LRRK1: variants seen among roughly 807,000 people sequenced by gnomAD.
LRRK1 encodes leucine rich repeat kinase 1, also known as leucine-rich repeat serine/threonine-protein kinase 1.
A neutral mutation model predicts 209.1 loss-of-function variants in LRRK1; 113 were observed. The ratio of observed to expected loss-of-function variants is 0.54; its 90% confidence interval spans 0.46 to 0.63. The LOEUF is 0.63. Ranked by LOEUF, LRRK1 falls within the 30% of genes least tolerant of loss-of-function variation. The pLI, the probability that LRRK1 is intolerant of heterozygous loss-of-function variation, is 0.00. For missense variants in LRRK1, 2,284 were observed against 2,632.2 expected (o/e 0.87, Z 2.89); for synonymous variants, 1,144 against 1,099.7 (o/e 1.04, Z -0.80).
At chr15:101,020,045 A>T (rs185075725) in intron 12 of LRRK1, among the ~76,000 whole-genome samples, 353 of 152,376 alleles carry the variant, frequency 2.3e-3, no homozygotes, top group African/African-American at 8.2e-3. Context: ...AAAACAGCCA[A>T]CTGTGGTATA....
In LRRK1 at chr15:100,919,700, G is replaced by T. The variant is rs914926129; in HGVS notation, c.-123+249G>T. Among the ~76,000 whole-genome samples, 2 of 152,010 alleles carry T rather than the reference G, an allele frequency of 1.3e-5. No homozygotes were observed. Among genetic ancestry groups the T allele is most frequent in the Non-Finnish European group, 2.9e-5 (2 of 67,948 alleles). On this transcript the variant is annotated intron_variant, in intron 1 of 33. Transcript: ENST00000388948. The surrounding 1 kb of genome is among the most constrained non-coding windows in gnomAD (Gnocchi z 5.8). ...CCCGCTGCCTCCCGCCGCGCCCGGA[G>T]CCCAGCCAGCCTGTGGGAGGGGAGC... is the stretch of plus-strand genomic sequence containing the variant.
chr15:101,074,768 G>C lies in LRRK1; in HGVS notation c.*5920G>C, dbSNP rs1216967802. The C allele has an allele frequency of 6.6e-6, 1 of 151,464 alleles. No individual in the cohort carries two copies. Among genetic ancestry groups the C allele is most frequent in the Non-Finnish European group, 1.5e-5 (1 of 67,608 alleles). 9.4% of individuals were successfully genotyped at this position (151,464 alleles called of 1,614,324 possible). The stretch of plus-strand genomic sequence containing the variant: ...AACTTCCAAACACCTGAACTGCAGC[G>C]GCCAGGCATTCCTCCAGAACCTCCT... On this transcript the variant is annotated 3_prime_UTR_variant, in exon 34 of 34. Coordinates refer to ENST00000388948, the MANE Select transcript of LRRK1 (RefSeq NM_024652.6).
chr15:101,003,933 C>A (rs1403241859), intron 6 of LRRK1, among the ~76,000 whole-genome samples: 1 of 152,118 alleles, frequency 6.6e-6, no homozygotes, highest in Admixed American at 6.6e-5. Flanking sequence ...CCCCAGCAGC[C>A]CTTTGAGCAC....
In LRRK1 at chr15:101,077,298, T is replaced by TCGTA. The variant is rs1234700667; in HGVS notation, c.*8452_*8455dup. The TCGTA allele has an allele frequency of 6.6e-6, 1 of 152,258 alleles. No individual in the cohort carries two copies. The highest frequency in any genetic ancestry group is 1.5e-5 in the Non-Finnish European group (1 of 68,052). The allele number at this position is 152,258 out of a possible 1,614,324, so 9.4% of individuals were successfully genotyped here. On this transcript the variant is annotated 3_prime_UTR_variant, in exon 34 of 34. Transcript: ENST00000388948. ...GTCATCCCTACTATCTTCTGTCTAG[T>TCGTA]CGTACTCCTATTCACCATTCTCAAC...
intron 6 of LRRK1, 37 bp downstream of exon 6, chr15:100,989,435 C>T: frequency 6.2e-7 from 1 of 1,606,518 alleles, no homozygotes. Context: ...GTTTTAGTTC[C>T]TTTTGTGCTG....
intron 2 of LRRK1, among the ~76,000 whole-genome samples, chr15:100,925,912 A>T (rs1374178231): frequency 1.3e-5 from 2 of 152,204 alleles, no homozygotes; most frequent in African/African-American, 4.8e-5. Flanking sequence ...ACACTATGGG[A>T]GGTGAAAGGG....
chr15:100,929,797 C>T (rs929956057), intron 2 of LRRK1, among the ~76,000 whole-genome samples: 1 of 152,222 alleles, frequency 6.6e-6, no homozygotes, highest in African/African-American at 2.4e-5. Context: ...TGCAGGAGTT[C>T]ACCAGCCCCT....
chr15:100,968,698 C>A (rs2030645599), intron 2 of LRRK1, among the ~76,000 whole-genome samples: 1 of 96,530 alleles, frequency 1.0e-5, no homozygotes, highest in Admixed American at 1.1e-4. Flanking sequence ...TTCTTTCCTT[C>A]CTTCCTTCCT....
At chr15:101,013,701 G>T (rs1301410717) in intron 10 of LRRK1, among the ~76,000 whole-genome samples, 5 of 152,212 alleles carry the variant, frequency 3.3e-5, no homozygotes, top group Admixed American at 2.0e-4. Context: ...CTTGGTGACT[G>T]GGTTCCCTGC....
chr15:101,016,925 A>G (rs985272857), intron 12 of LRRK1, among the ~76,000 whole-genome samples: 2 of 152,238 alleles, frequency 1.3e-5, no homozygotes, highest in Non-Finnish European at 2.9e-5. Flanking sequence ...TGGTCACACA[A>G]CAAGGCCAGT....
At chr15:101,043,608 T>A (rs1325002206) in intron 20 of LRRK1, 4 of 105,866 alleles carry the variant, frequency 3.8e-5, no homozygotes, top group African/African-American at 1.4e-4. Context: ...CACGTATTTA[T>A]AATGTGTGTG....
chr15:100,973,133 G>A, intron 2 of LRRK1, among the ~76,000 whole-genome samples: 1 of 152,242 alleles, frequency 6.6e-6, no homozygotes, highest in East Asian at 1.9e-4. Context: ...AGTGACCGCC[G>A]CTTTTGCTGA....
Position 100,920,808 on chromosome 15 carries a change from T to A in LRRK1, c.-123+1357T>A, listed in dbSNP as rs73480666. On this transcript the variant is annotated intron_variant, in intron 1 of 33. Transcript: ENST00000388948. Reference sequence around the variant, plus strand: ...GACCATATCAGTCCTCTTTATGGAGTCCTTCAGTAGCTTCTCCTTGCAACT... The same window carrying A: ...GACCATATCAGTCCTCTTTATGGAGACCTTCAGTAGCTTCTCCTTGCAACT... 8.0e-3 allele frequency among the ~76,000 whole-genome samples: 1,218 copies of A among 151,946 alleles called. 18 individuals carry two copies. Among genetic ancestry groups the A allele is most frequent in the African/African-American group, 0.025 (1,028 of 41,414 alleles).
At chr15:101,055,271 C>A in intron 27 of LRRK1, 48 bp downstream of exon 27, 1 of 1,484,898 alleles carries the variant, frequency 6.7e-7, no homozygotes. Flanking sequence ...AGGAGCCCAG[C>A]CCTCAGGCTA....
intron 21 of LRRK1, among the ~76,000 whole-genome samples, chr15:101,047,037 G>A (rs764791755): frequency 2.4e-4 from 36 of 152,178 alleles, no homozygotes; most frequent in Non-Finnish European, 5.0e-4. Context: ...GGGGAACCCC[G>A]CACTGGTTTT....
At chr15:101,011,650 C>T (rs1596270548) in intron 9 of LRRK1, among the ~76,000 whole-genome samples, 1 of 152,062 alleles carries the variant, frequency 6.6e-6, no homozygotes, top group Non-Finnish European at 1.5e-5. Flanking sequence ...GGAAACTCTT[C>T]ATCACTGGCA....
intron 2 of LRRK1, among the ~76,000 whole-genome samples, chr15:100,966,639 G>A (rs2030480490): frequency 1.3e-5 from 2 of 152,214 alleles, no homozygotes; most frequent in South Asian, 4.1e-4. Context: ...ATTAACTGGT[G>A]CCTTTTCCTA....
intron 6 of LRRK1, among the ~76,000 whole-genome samples, chr15:100,992,472 T>C (rs2032198466): frequency 6.6e-6 from 1 of 152,234 alleles, no homozygotes. Flanking sequence ...TCATTTATGC[T>C]GTTGAACAGT....
In LRRK1 at chr15:100,988,728, CG is replaced by C; in HGVS notation, c.532del (p.Ala178LeufsTer59). 6.2e-7 allele frequency: 1 copy of C among 1,614,162 alleles called. No individual in the cohort carries two copies. The highest frequency in any genetic ancestry group is 8.5e-7 in the Non-Finnish European group (1 of 1,180,004). ...GVVKLLVLTH[G>X]ADPESYAVRK... ...TTGTGAAGCTCCTGGTCCTGACGCACGGGGCTGACCCGGAGAGCTACGCTGT... is the reference window on the plus strand; with the variant it reads ...TTGTGAAGCTCCTGGTCCTGACGCACGGGCTGACCCGGAGAGCTACGCTGT... On this transcript the variant is annotated frameshift_variant, in exon 5 of 34. Coordinates refer to ENST00000388948, the MANE Select transcript of LRRK1 (RefSeq NM_024652.6). LOFTEE classifies it high-confidence loss of function.
Sources: allele counts gnomAD v4.1 joint callset (sites outside exome capture counted in the v4.1 genomes callset), GRCh38; gene constraint gnomAD v4.1.1; non-coding constraint Gnocchi (gnomAD v3.1); transcripts MANE v1.5; gene names NCBI Gene and HGNC (gene_info 2026-07-23, HGNC 2026-07-21).